SELENOH: variants seen among roughly 807,000 people sequenced by gnomAD.
The protein encoded by SELENOH is selenoprotein H.
SELENOH carries 13 observed loss-of-function variants against 11.9 expected under a neutral mutation model. The observed-to-expected ratio is 1.09, with a 90% confidence interval of 0.71 to 1.74. SELENOH has a LOEUF of 1.74. SELENOH is among the 40% of genes most tolerant of loss of function. The pLI is 0.00. For synonymous variants in SELENOH, 96 were observed against 73.5 expected (o/e 1.31, Z -1.56); for missense variants, 223 against 170.3 (o/e 1.31, Z -1.72).
At position 57,741,849 on chromosome 11, in the gene SELENOH, A is replaced by AGCCGGGCGCAACGCCGCGGCCCTGT; in HGVS notation, c.166_167insGGGCGCAACGCCGCGGCCCTGTGCC (p.Gln56ArgfsTer?). 1.2e-6 allele frequency: 2 copies of AGCCGGGCGCAACGCCGCGGCCCTGT among 1,605,952 alleles called. No individual in the cohort carries two copies. The highest frequency in any genetic ancestry group is 1.7e-6 in the Non-Finnish European group (2 of 1,176,878). On this transcript the variant is annotated frameshift_variant, in exon 2 of 4. Coordinates refer to ENST00000534355, the MANE Select transcript of SELENOH (RefSeq NM_170746.4). LOFTEE classifies it high-confidence loss of function. ...CTATGGGCGCAACGCCGCGGCCCTG[A>AGCCGGGCGCAACGCCGCGGCCCTGT]GCCAGGCGCTGCGCCTGGAGGCCCC...
intron 3 of SELENOH, chr11:57,742,656 G>A (rs1012871536): frequency 5.7e-6 from 1 of 175,838 alleles, no homozygotes. Flanking sequence ...TGGTTACAAG[G>A]ATTTTGACCT....
Position 57,741,734 on chromosome 11 carries a change from G to GT in SELENOH, c.122+18dup, listed in dbSNP as rs756012733. ...CGAGCATTGGTGAGGGGCCTGGAGA[G>GT]TAACGGGAGAGAGGGAACAGTGGCG... On this transcript the variant is annotated intron_variant, in intron 1 of 3. Transcript: ENST00000534355. 1 of 1,594,370 alleles carries GT rather than the reference G, an allele frequency of 6.3e-7. No homozygotes were observed. Among genetic ancestry groups the GT allele is most frequent in the South Asian group, 1.1e-5 (1 of 87,872 alleles).
rs3741078 is a variant in SELENOH at position 57,741,631 on chromosome 11, C to T, written c.36C>T (p.Ala12=). The change falls in exon 1 of 4, where the codon GCC becomes GCT. Residue 12 remains alanine, a synonymous_variant. Coordinates refer to ENST00000534355, the MANE Select transcript of SELENOH (RefSeq NM_170746.4). The stretch of plus-strand genomic sequence containing the variant: ...GCGGGAGGAAGCGTAAGGCTGAGGC[C>T]GCGGTGGTCGCCGTAGCCGAGAAGC... ...APRGRKRKAE[A]AVVAVAEKRE... 1.4e-3 allele frequency: 1,836 copies of T among 1,285,580 alleles called. 50 individuals are homozygous for T. The East Asian group carries it at 0.05, about 35-fold the overall frequency. 79.6% of individuals were successfully genotyped at this position (1,285,580 alleles called of 1,614,324 possible). A position where few individuals can be genotyped will look rare whatever the true frequency, so the allele number is the denominator to read the frequency against.
chr11:57,742,921 T>G lies in SELENOH; in HGVS notation c.*89T>G, dbSNP rs1189543540. ...ATGGAACATGGCCAAACTTCAGTCA[T>G]GATCCTGAAGCCATGGTTTCTTCCC... On this transcript the variant is annotated 3_prime_UTR_variant, in exon 4 of 4. Transcript: ENST00000534355. The G allele has an allele frequency of 6.5e-6, 1 of 152,696 alleles. No individual in the cohort carries two copies. Among genetic ancestry groups the G allele is most frequent in the Non-Finnish European group, 1.5e-5 (1 of 68,104 alleles). The allele number at this position is 152,696 out of a possible 1,614,324, so 9.5% of individuals were successfully genotyped here.
At position 57,741,665 on chromosome 11, in the gene SELENOH, C is replaced by A. The variant is rs1949074896; in HGVS notation, c.70C>A (p.Leu24Met). The A allele has an allele frequency of 2.1e-6, 3 of 1,462,904 alleles. No individual in the cohort carries two copies. In the East Asian group the frequency reaches 8.1e-5, roughly 39 times the overall value. The allele number at this position is 1,462,904 out of a possible 1,614,324, so 90.6% of individuals were successfully genotyped here. A position where few individuals can be genotyped will look rare whatever the true frequency, so the allele number is the denominator to read the frequency against. ...VVAVAEKREK[L>M]ANGGEGMEEA... Reference sequence around the variant, plus strand: ...CGCCGTAGCCGAGAAGCGAGAGAAGCTGGCGAACGGCGGGGAGGGAATGGA... The same window carrying A: ...CGCCGTAGCCGAGAAGCGAGAGAAGATGGCGAACGGCGGGGAGGGAATGGA... Residue 24 changes from leucine to methionine, a missense_variant, in exon 1 of 4, where the codon CTG becomes ATG. Transcript: ENST00000534355.
intron 1 of SELENOH, 31 bp downstream of exon 1, chr11:57,741,748 G>A (rs1949079001): frequency 1.3e-6 from 2 of 1,598,806 alleles, no homozygotes; most frequent in African/African-American, 1.4e-5. Flanking sequence ...CGGGAGAGAG[G>A]GAACAGTGGC....
Position 57,742,971 on chromosome 11 carries a change from G to T in SELENOH, c.*139G>T, listed in dbSNP as rs909438858. The T allele has an allele frequency of 1.3e-5, 2 of 152,598 alleles. No homozygotes were observed. Among genetic ancestry groups the T allele is most frequent in the African/African-American group, 4.8e-5 (2 of 41,426 alleles). The allele number at this position is 152,598 out of a possible 1,614,324, so 9.5% of individuals were successfully genotyped here. A position where few individuals can be genotyped will look rare whatever the true frequency, so the allele number is the denominator to read the frequency against. ...CTGCCAGAAATGAAGGTTCAGTTATGAGGCAACCCTCTAGTAAGGCATTGT... is the reference window on the plus strand; with the variant it reads ...CTGCCAGAAATGAAGGTTCAGTTATTAGGCAACCCTCTAGTAAGGCATTGT... On this transcript the variant is annotated 3_prime_UTR_variant, in exon 4 of 4. Transcript: ENST00000534355.
rs1220066589 is a variant in SELENOH at position 57,741,652 on chromosome 11, G to A, written c.57G>A (p.Glu19=). The A allele has an allele frequency of 2.6e-5, 37 of 1,432,926 alleles. No individual in the cohort carries two copies. Among genetic ancestry groups the A allele is most frequent in the Non-Finnish European group, 3.4e-5 (37 of 1,092,688 alleles). The allele number at this position is 1,432,926 out of a possible 1,614,324, so 88.8% of individuals were successfully genotyped here. A position where few individuals can be genotyped will look rare whatever the true frequency, so the allele number is the denominator to read the frequency against. Residue 19 remains glutamate (E), a synonymous_variant, in exon 1 of 4, where the codon GAG becomes GAA. Coordinates refer to ENST00000534355, the MANE Select transcript of SELENOH (RefSeq NM_170746.4). ...AGGCCGCGGTGGTCGCCGTAGCCGA[G>A]AAGCGAGAGAAGCTGGCGAACGGCG... ...KAEAAVVAVA[E]KREKLANGGE...
rs17152073 is a variant in SELENOH, at chr11:57,742,218, G to A, written c.*1G>A. The A allele has an allele frequency of 0.014, 22,916 of 1,604,566 alleles. 1,958 individuals are homozygous for A. In the Admixed American group the frequency reaches 0.19, roughly 13 times the overall value. The stretch of plus-strand genomic sequence containing the variant: ...AGAGTTGAAGAAGTACCTGTCGTAG[G>A]GAGATTTGGGTAGAAGCCCTCATGC... On this transcript the variant is annotated 3_prime_UTR_variant, in exon 3 of 4. Transcript: ENST00000534355.
chr11:57,741,643 C>A lies in SELENOH; in HGVS notation c.48C>A (p.Ala16=). Residue 16 remains alanine (A), a synonymous_variant, in exon 1 of 4, where the codon GCC becomes GCA. Transcript: ENST00000534355. ...GTAAGGCTGAGGCCGCGGTGGTCGC[C>A]GTAGCCGAGAAGCGAGAGAAGCTGG... ...RKRKAEAAVV[A]VAEKREKLAN... The A allele has an allele frequency of 1.4e-6, 2 of 1,380,664 alleles. No individual in the cohort carries two copies. Among genetic ancestry groups the A allele is most frequent in the South Asian group, 1.8e-5 (1 of 54,900 alleles). The allele number at this position is 1,380,664 out of a possible 1,614,324, so 85.5% of individuals were successfully genotyped here. A position where few individuals can be genotyped will look rare whatever the true frequency, so the allele number is the denominator to read the frequency against.
At chr11:57,742,451 G>C (rs1949111079) in intron 3 of SELENOH, 1 of 527,436 alleles carries the variant, frequency 1.9e-6, no homozygotes, top group Admixed American at 3.4e-5. Flanking sequence ...ATTGTTTTCT[G>C]TCTAGTGTGC....
Position 57,741,557 on chromosome 11 carries a change from C to G in SELENOH, c.-39C>G. 8.0e-7 allele frequency: 1 copy of G among 1,248,142 alleles called. No individual in the cohort carries two copies. Among genetic ancestry groups the G allele is most frequent in the Non-Finnish European group, 1.0e-6 (1 of 989,700 alleles). 77.3% of individuals were successfully genotyped at this position (1,248,142 alleles called of 1,614,324 possible). On this transcript the variant is annotated 5_prime_UTR_variant, in exon 1 of 4. Transcript: ENST00000534355. ...AGTGGTCGCGTCTCCGCCCCCCACCCACCAGTCCCGCTGCATTCTCGGCCG... is the reference window on the plus strand; with the variant it reads ...AGTGGTCGCGTCTCCGCCCCCCACCGACCAGTCCCGCTGCATTCTCGGCCG...
chr11:57,741,879 C>A lies in SELENOH; in HGVS notation c.193C>A (p.Leu65Ile). ...GGCGCTGCGCCTGGAGGCCCCAGAG[C>A]TTCCAGTAAAGGTGAACCCGACGAA... ...SQALRLEAPE[L>I]PVKVNPTKPR... The change falls in exon 2 of 4, where the codon CTT becomes ATT. Residue 65 changes from leucine (L) to isoleucine (I), a missense_variant. Leu to Ile is a conservative substitution (Grantham distance 5). Coordinates refer to ENST00000534355, the MANE Select transcript of SELENOH (RefSeq NM_170746.4). 6.3e-7 allele frequency: 1 copy of A among 1,599,406 alleles called. No homozygotes were observed.
In SELENOH at chr11:57,741,782, G is replaced by A. The variant is rs753708997; in HGVS notation, c.123-27G>A. 5.6e-6 allele frequency: 9 copies of A among 1,602,678 alleles called. No individual in the cohort carries two copies. In the East Asian group the frequency reaches 1.8e-4, roughly 32 times the overall value. Reference sequence around the variant, plus strand: ...GCGCCGGGGGGGGCCAGGGGCCCCGGTTTCTAACCTCTCCGTCTCTCCCTA... The same window carrying A: ...GCGCCGGGGGGGGCCAGGGGCCCCGATTTCTAACCTCTCCGTCTCTCCCTA... On this transcript the variant is annotated intron_variant, in intron 1 of 3. Coordinates refer to ENST00000534355, the MANE Select transcript of SELENOH (RefSeq NM_170746.4).
At chr11:57,742,573 A>G (rs1590990240) in intron 3 of SELENOH, 1 of 282,716 alleles carries the variant, frequency 3.5e-6, no homozygotes, top group Non-Finnish European at 6.8e-6. Flanking sequence ...GCTTATCCCT[A>G]CCCTCTTCTG....
intron 2 of SELENOH, 80 bp downstream of exon 2, chr11:57,742,034 A>G (rs1346922762): frequency 6.3e-7 from 1 of 1,582,784 alleles, no homozygotes; most frequent in Admixed American, 1.9e-5. Flanking sequence ...CGCTATTCTT[A>G]GAAACCACGG....
chr11:57,741,752 C>T (rs1949079274), intron 1 of SELENOH, 35 bp downstream of exon 1: 2 of 1,598,632 alleles, frequency 1.3e-6, no homozygotes, highest in South Asian at 2.3e-5. Context: ...AGAGAGGGAA[C>T]AGTGGCGCCG....
Position 57,741,671 on chromosome 11 carries a change from A to G in SELENOH, c.76A>G (p.Asn26Asp). 1.4e-6 allele frequency: 2 copies of G among 1,461,118 alleles called. No individual in the cohort carries two copies. The highest frequency in any genetic ancestry group is 9.0e-7 in the Non-Finnish European group (1 of 1,105,796). 90.5% of individuals were successfully genotyped at this position (1,461,118 alleles called of 1,614,324 possible). The change falls in exon 1 of 4, where the codon AAC becomes GAC. Residue 26 changes from asparagine (N) to aspartate (D), a missense_variant. By Grantham distance (23) the Asn-to-Asp change is conservative. Coordinates refer to ENST00000534355, the MANE Select transcript of SELENOH (RefSeq NM_170746.4). ...AVAEKREKLANGGEGMEEATV... is the reference protein window; with the variant it reads ...AVAEKREKLADGGEGMEEATV... ...AGCCGAGAAGCGAGAGAAGCTGGCGAACGGCGGGGAGGGAATGGAGGAGGC... is the reference window on the plus strand; with the variant it reads ...AGCCGAGAAGCGAGAGAAGCTGGCGGACGGCGGGGAGGGAATGGAGGAGGC...
chr11:57,742,054 G>T (rs1949097300), intron 2 of SELENOH, 63 bp from the exon 3 acceptor site: 3 of 1,585,648 alleles, frequency 1.9e-6, no homozygotes, highest in African/African-American at 1.3e-5. Flanking sequence ...GCAGTCTCAT[G>T]ACTTCAGAGA....
Sources: allele counts gnomAD v4.1 joint callset, GRCh38; gene constraint gnomAD v4.1.1; transcripts MANE v1.5; gene names NCBI Gene and HGNC (gene_info 2026-07-23, HGNC 2026-07-21).